The following COL14A1 variants were observed in gnomAD, a reference collection of about 807,000 sequenced individuals.
The protein encoded by COL14A1 is collagen alpha-1(XIV) chain.
In COL14A1, 136 loss-of-function variants were observed where a neutral mutation model predicts 230.3. That is an observed-to-expected ratio of 0.59 (90% CI 0.51 to 0.68). COL14A1 has a LOEUF of 0.68. COL14A1 is among the 30% of genes least tolerant of loss of function. COL14A1 has a pLI of 0.00. For synonymous variants in COL14A1, 792 were observed against 784.1 expected (o/e 1.01, Z -0.17); for missense variants, 1,976 against 2,215.8 (o/e 0.89, Z 2.17).
intron 6 of COL14A1, 78 bp downstream of exon 6, chr8:120,197,024 A>G: frequency 7.0e-7 from 1 of 1,424,134 alleles, no homozygotes; most frequent in South Asian, 1.3e-5. Flanking sequence ...AATTTCAAAA[A>G]TTCCTTACAA....
chr8:120,178,087 TG>T (rs1348265317), intron 5 of COL14A1, among the ~76,000 whole-genome samples: 2 of 152,156 alleles, frequency 1.3e-5, no homozygotes, highest in African/African-American at 4.8e-5. Flanking sequence ...TTTTTTTGTT[TG>T]TTTGTTTTTA....
At chr8:120,268,967 T>C (rs928200184) in intron 25 of COL14A1, among the ~76,000 whole-genome samples, 1 of 151,790 alleles carries the variant, frequency 6.6e-6, no homozygotes, top group Non-Finnish European at 1.5e-5. Context: ...TAAAATTTTA[T>C]AAATCGCAGA....
At chr8:120,245,909 C>T (rs1818747529) in intron 20 of COL14A1, among the ~76,000 whole-genome samples, 1 of 152,212 alleles carries the variant, frequency 6.6e-6, no homozygotes, top group Admixed American at 6.5e-5. Flanking sequence ...ACTTCTGCTG[C>T]AGTCTATTTA....
At chr8:120,334,472 A>G (rs1234072857) in intron 42 of COL14A1, among the ~76,000 whole-genome samples, 6 of 152,036 alleles carry the variant, frequency 3.9e-5, no homozygotes, top group Admixed American at 2.0e-4. Flanking sequence ...TTATCTTCAC[A>G]CATCTTTCTT....
In COL14A1 at chr8:120,342,463, T is replaced by C. The variant is rs754232902; in HGVS notation, c.4888+17T>C. On this transcript the variant is annotated intron_variant, in intron 44 of 47. Coordinates refer to ENST00000297848, the MANE Select transcript of COL14A1 (RefSeq NM_021110.4). ...TCATCCAGAGTAAGTATGTAATGGTTACGGAGGATGTTCCCCATAACAAAC... is the reference window on the plus strand; with the variant it reads ...TCATCCAGAGTAAGTATGTAATGGTCACGGAGGATGTTCCCCATAACAAAC... 6.8e-6 allele frequency: 11 copies of C among 1,611,640 alleles called. No homozygotes were observed. The highest frequency in any genetic ancestry group is 7.6e-6 in the Non-Finnish European group (9 of 1,177,944).
At chr8:120,211,734 A>G (rs1817620525) in intron 12 of COL14A1, among the ~76,000 whole-genome samples, 1 of 152,194 alleles carries the variant, frequency 6.6e-6, no homozygotes, top group East Asian at 1.9e-4. Flanking sequence ...TTGATGATTA[A>G]TCCTGGCAGT....
chr8:120,134,164 G>C (rs558181495), intron 1 of COL14A1, among the ~76,000 whole-genome samples: 3 of 152,062 alleles, frequency 2.0e-5, no homozygotes, highest in Admixed American at 2.0e-4. Context: ...TATAAAAAAG[G>C]TCGATCTACC....
chr8:120,280,339 C>T (rs1819996974), intron 29 of COL14A1, among the ~76,000 whole-genome samples: 1 of 152,140 alleles, frequency 6.6e-6, no homozygotes, highest in Non-Finnish European at 1.5e-5. Context: ...TTAAAAGCAA[C>T]TGTGCTTAAA....
intron 5 of COL14A1, among the ~76,000 whole-genome samples, chr8:120,195,509 G>A (rs1451487024): frequency 6.6e-6 from 1 of 152,064 alleles, no homozygotes; most frequent in East Asian, 1.9e-4. Flanking sequence ...AAAAGTATTG[G>A]TCTGTTCTCA....
chr8:120,219,984 A>ATGTGTG (rs142020105), intron 14 of COL14A1, among the ~76,000 whole-genome samples: 3,483 of 150,586 alleles, frequency 0.023, 99 homozygotes, highest in African/African-American at 0.074. Flanking sequence ...TAGGGTGTGT[A>ATGTGTG]TGTGTGTGTG....
intron 33 of COL14A1, among the ~76,000 whole-genome samples, chr8:120,289,245 G>T (rs867241328): frequency 6.6e-6 from 1 of 152,102 alleles, no homozygotes; most frequent in South Asian, 2.1e-4. Flanking sequence ...CATCAACAAA[G>T]ATTTTTAATT....
At chr8:120,220,918 T>C (rs924583024) in intron 14 of COL14A1, among the ~76,000 whole-genome samples, 2 of 152,158 alleles carry the variant, frequency 1.3e-5, no homozygotes, top group East Asian at 3.8e-4. Flanking sequence ...GGCTAACATT[T>C]GTTGAGTGCT....
chr8:120,131,239 G>A (rs532723481), intron 1 of COL14A1, among the ~76,000 whole-genome samples: 1 of 152,302 alleles, frequency 6.6e-6, no homozygotes, highest in African/African-American at 2.4e-5. Flanking sequence ...ATATCCATTA[G>A]TGGGATTACT....
chr8:120,226,660 A>G lies in COL14A1; in HGVS notation c.1898A>G (p.Asp633Gly), dbSNP rs902826254. The change falls in exon 16 of 48, where the codon GAT (aspartate) becomes GGT (glycine). Residue 633 changes from aspartate to glycine, a missense_variant. Coordinates refer to ENST00000297848, the MANE Select transcript of COL14A1 (RefSeq NM_021110.4). The stretch of plus-strand genomic sequence containing the variant: ...CCAGCCCAGCAATACTTAGAAATTG[A>G]TGAGGTGACGACAGACAGTTTTAGG... Reference protein sequence around the residue: ...EVPAQQYLEIDEVTTDSFRVT... With the variant: ...EVPAQQYLEIGEVTTDSFRVT... 2 of 1,613,364 alleles carry G rather than the reference A, an allele frequency of 1.2e-6. No individual in the cohort carries two copies. The highest frequency in any genetic ancestry group is 1.7e-6 in the Non-Finnish European group (2 of 1,179,558).
chr8:120,367,917 C>T (rs1823459160), intron 46 of COL14A1, among the ~76,000 whole-genome samples: 1 of 151,732 alleles, frequency 6.6e-6, no homozygotes. Flanking sequence ...GCCCTCCAGC[C>T]TGGGTGACAG....
intron 5 of COL14A1, among the ~76,000 whole-genome samples, chr8:120,177,652 CA>C (rs60652647): frequency 0.31 from 25,406 of 82,100 alleles, 1,341 homozygotes; most frequent in East Asian, 0.39. Context: ...TTGCCTGCTT[CA>C]AAAAAAAAAA....
intron 5 of COL14A1, among the ~76,000 whole-genome samples, chr8:120,188,208 G>A (rs183205925): frequency 2.1e-3 from 317 of 151,512 alleles, no homozygotes; most frequent in African/African-American, 7.2e-3. Context: ...TCAACCTCCC[G>A]AGTAGATGGA....
At chr8:120,144,924 A>C (rs886164148) in intron 1 of COL14A1, among the ~76,000 whole-genome samples, 1 of 152,132 alleles carries the variant, frequency 6.6e-6, no homozygotes, top group Non-Finnish European at 1.5e-5. Context: ...ATAAAGAAAA[A>C]GATCAAGTCA....
chr8:120,233,585 CA>C (rs1402975862), intron 19 of COL14A1, among the ~76,000 whole-genome samples: 13 of 152,152 alleles, frequency 8.5e-5, no homozygotes, highest in Non-Finnish European at 1.6e-4. Flanking sequence ...ATCCCCTCCC[CA>C]TTGCTTGTTT....
Sources: gnomAD v4.1 joint callset for allele counts (sites outside exome capture counted in the v4.1 genomes callset) on GRCh38, gnomAD v4.1.1 for gene constraint, MANE v1.5 for transcripts, NCBI Gene and HGNC (gene_info 2026-07-23, HGNC 2026-07-21) for gene names.